Variants in FDFT1 observed in about 807,000 individuals in gnomAD.
The protein encoded by FDFT1 is farnesyl-diphosphate farnesyltransferase 1, also known as squalene synthase.
Under a neutral mutation model 46.8 loss-of-function variants are expected in FDFT1, and 68 were observed. The ratio of observed to expected loss-of-function variants is 1.45; its 90% CI spans 1.19 to 1.78. The LOEUF is 1.78. Ranked by LOEUF, FDFT1 falls within the 40% of genes most tolerant of loss-of-function variation. The probability of loss-of-function intolerance (pLI) is 0.00; values close to 1 mark genes in which losing one functional copy is unlikely to be tolerated. For synonymous variants in FDFT1, 351 were observed against 185.1 expected (o/e 1.90, Z -7.28); for missense variants, 928 against 524.4 (o/e 1.77, Z -7.52).
At chr8:11,812,456 C>T (rs1045538194) in intron 3 of FDFT1, among the ~76,000 whole-genome samples, 1 of 151,976 alleles carries the variant, frequency 6.6e-6, no homozygotes, top group African/African-American at 2.4e-5. Context: ...CTGGAGAGAG[C>T]GGGATTCAGG....
chr8:11,835,225 C>T (rs1033032969), intron 7 of FDFT1, among the ~76,000 whole-genome samples: 1 of 152,170 alleles, frequency 6.6e-6, no homozygotes, highest in Admixed American at 6.5e-5. Context: ...TTGATTGAGG[C>T]TAGTAGGTTT....
In FDFT1 at chr8:11,802,803, C is replaced by G. The variant is rs199605209; in HGVS notation, c.-30C>G. On this transcript the variant is annotated 5_prime_UTR_variant, in exon 1 of 8. Transcript: ENST00000220584. ...GCCTGGGGACCGCAGAGGTGAGAGT[C>G]GCGCCCGGGAGTCCGCCGCCTGCGC... is the stretch of plus-strand genomic sequence containing the variant. 6.4e-6 allele frequency: 10 copies of G among 1,567,862 alleles called. No individual in the cohort carries two copies. In the African/African-American group the frequency reaches 1.2e-4, roughly 19 times the overall value.
chr8:11,806,157 G>C (rs1407082056), intron 1 of FDFT1, among the ~76,000 whole-genome samples: 2 of 152,092 alleles, frequency 1.3e-5, no homozygotes, highest in African/African-American at 2.4e-5. Flanking sequence ...GTCTGGTCTT[G>C]TCGTCTTCCT....
intron 1 of FDFT1, chr8:11,808,155 G>A: frequency 1.6e-6 from 1 of 636,044 alleles, no homozygotes; most frequent in Non-Finnish European, 2.0e-6. Context: ...GGTAAAACTG[G>A]GCGATGCAAA....
intron 6 of FDFT1, 23 bp from the exon 7 acceptor site, chr8:11,831,494 TC>T (rs748783500): frequency 1.2e-6 from 2 of 1,601,584 alleles, no homozygotes; most frequent in African/African-American, 1.3e-5. Flanking sequence ...TCTTCTTTTT[TC>T]CCTCTCTTCT....
At chr8:11,802,506 C>T (rs550004894), upstream of FDFT1, 380 of 506,616 alleles carry the variant, frequency 7.5e-4, 3 homozygotes, top group African/African-American at 5.5e-3. Context: ...CAATCCCGCT[C>T]GTCGGCCTCT....
intron 1 of FDFT1, chr8:11,808,489 G>A (rs1466436794): frequency 7.5e-7 from 1 of 1,328,902 alleles, no homozygotes; most frequent in South Asian, 2.1e-5. Context: ...AGTCTATGGA[G>A]GAAAAACTCC....
upstream of FDFT1, among the ~76,000 whole-genome samples, chr8:11,800,120 C>T (rs1221833350): frequency 6.6e-6 from 1 of 150,544 alleles, no homozygotes; most frequent in African/African-American, 2.4e-5. Flanking sequence ...ATTACCCAGG[C>T]GTGGTGGTTG....
intron 1 of FDFT1, 136 bp downstream of exon 1, chr8:11,803,067 T>C: frequency 1.4e-6 from 2 of 1,451,144 alleles, no homozygotes; most frequent in Non-Finnish European, 9.0e-7. Flanking sequence ...CCCGTCCCCC[T>C]TTCCTCGAGC....
chr8:11,803,559 C>A, intron 1 of FDFT1: 2 of 1,027,726 alleles, frequency 1.9e-6, no homozygotes, highest in Non-Finnish European at 1.3e-6. Context: ...CTGCCTCATG[C>A]CTGTACTATT....
intron 4 of FDFT1, among the ~76,000 whole-genome samples, 172 bp downstream of exon 4, chr8:11,822,050 C>G (rs1809326313): frequency 6.6e-6 from 1 of 152,166 alleles, no homozygotes; most frequent in Admixed American, 6.5e-5. Flanking sequence ...GAGTTAATTC[C>G]AAACCAGCAG....
chr8:11,831,703 T>C (rs781069718), intron 7 of FDFT1, 33 bp downstream of exon 7: 1 of 1,560,362 alleles, frequency 6.4e-7, no homozygotes, highest in African/African-American at 1.4e-5. Flanking sequence ...GGATAATTTG[T>C]AGCTACTTTT....
At chr8:11,831,482 TTTC>T (rs1477982082) in intron 6 of FDFT1, 33 bp from the exon 7 acceptor site, 3 of 1,597,094 alleles carry the variant, frequency 1.9e-6, no homozygotes, top group East Asian at 2.3e-5. Flanking sequence ...AACGACATCA[TTTC>T]TTCTTTTTTC....
rs201177163 is a variant in FDFT1 at position 11,826,104 on chromosome 8, T to G, written c.591T>G (p.Val197=). 94 of 1,611,056 alleles carry G rather than the reference T, an allele frequency of 5.8e-5. 1 individual carries two copies. In the South Asian group the frequency reaches 8.8e-4, roughly 15 times the overall value. The change falls in exon 5 of 8, where the codon GTT becomes GTG. Residue 197 remains valine, a synonymous_variant. Coordinates refer to ENST00000220584, the MANE Select transcript of FDFT1 (RefSeq NM_004462.5). ...CCTCAGAGTTTGAAGACCCCTTAGT[T>G]GGTGAAGATACAGAACGTGCCAACT... is the stretch of plus-strand genomic sequence containing the variant. ...FSASEFEDPL[V]GEDTERANSM...
At chr8:11,803,452 CT>C in intron 1 of FDFT1, 2 of 1,280,090 alleles carry the variant, frequency 1.6e-6, no homozygotes, top group Non-Finnish European at 2.0e-6. Context: ...TTAAAATCGC[CT>C]ATCTACGCTT....
rs1403559128 is a variant in FDFT1, at chr8:11,838,776, A to AC, written c.*168dup. ...TGAAATGCAGGTGAGAAGAACCTAAACATGAAAGGAAAGGGTGCCTCATCC... is the reference window on the plus strand; with the variant it reads ...TGAAATGCAGGTGAGAAGAACCTAAACCATGAAAGGAAAGGGTGCCTCATCC... On this transcript the variant is annotated 3_prime_UTR_variant, in exon 8 of 8. Coordinates refer to ENST00000220584, the MANE Select transcript of FDFT1 (RefSeq NM_004462.5). 2 of 630,126 alleles carry AC rather than the reference A, an allele frequency of 3.2e-6. No homozygotes were observed. Among genetic ancestry groups the AC allele is most frequent in the African/African-American group, 3.7e-5 (2 of 54,554 alleles). The allele number at this position is 630,126 out of a possible 1,614,324, so 39.0% of individuals were successfully genotyped here.
At chr8:11,819,634 A>G (rs1275572941) in intron 3 of FDFT1, among the ~76,000 whole-genome samples, 2 of 151,762 alleles carry the variant, frequency 1.3e-5, no homozygotes, top group Non-Finnish European at 2.9e-5. Flanking sequence ...GCTTGATCGA[A>G]TCGGCTATTG....
upstream of FDFT1, among the ~76,000 whole-genome samples, chr8:11,800,002 C>T (rs939538888): frequency 1.4e-5 from 2 of 148,146 alleles, no homozygotes; most frequent in Non-Finnish European, 3.0e-5. Context: ...AGTGGCTTGC[C>T]TGTAATCCTA....
At chr8:11,822,658 A>T (rs1409752389) in intron 4 of FDFT1, among the ~76,000 whole-genome samples, 1 of 152,146 alleles carries the variant, frequency 6.6e-6, no homozygotes, top group African/African-American at 2.4e-5. Flanking sequence ...TCAAAAAATT[A>T]AAAAATGAGC....
Sources: allele counts gnomAD v4.1 joint callset (sites outside exome capture counted in the v4.1 genomes callset), GRCh38; gene constraint gnomAD v4.1.1; transcripts MANE v1.5; gene names NCBI Gene and HGNC (gene_info 2026-07-23, HGNC 2026-07-21).